TSNARE1: variants seen among roughly 807,000 people sequenced by gnomAD.
The protein encoded by TSNARE1 is t-SNARE domain containing 1, also known as t-SNARE domain-containing protein 1.
Under a neutral mutation model 62.0 loss-of-function variants are expected in TSNARE1, and 49 were observed. That is an observed-to-expected ratio of 0.79 (90% confidence interval 0.63 to 1.00). The LOEUF (loss-of-function observed/expected upper bound fraction) is 1.00, where lower values mean the gene tolerates loss of function less well. Ranked by LOEUF, TSNARE1 falls within the 50% of genes least tolerant of loss-of-function variation. TSNARE1 has a pLI of 0.00. For missense variants in TSNARE1, 755 were observed against 700.1 expected, an observed-to-expected ratio of 1.08 and a Z score of -0.88; for synonymous variants, 328 against 294.4, an observed-to-expected ratio of 1.11 and a Z score of -1.17.
intron 13 of TSNARE1, among the ~76,000 whole-genome samples, chr8:142,214,256 C>A (rs996412463): frequency 3.3e-5 from 5 of 152,198 alleles, no homozygotes; most frequent in African/African-American, 9.6e-5. Flanking sequence ...CCCCGCTCCC[C>A]ACCCACAGCT....
chr8:142,335,143 C>CGGGCGTGGGACACAGA (rs1831573454), intron 4 of TSNARE1, among the ~76,000 whole-genome samples: 1 of 151,978 alleles, frequency 6.6e-6, no homozygotes, highest in Admixed American at 6.5e-5. Context: ...ATCAACGAGG[C>CGGGCGTGGGACACAGA]AGGGTTATCA....
chr8:142,277,936 C>T, intron 11 of TSNARE1: 1 of 985,440 alleles, frequency 1.0e-6, no homozygotes, highest in Non-Finnish European at 1.2e-6. Flanking sequence ...CATGTCTATC[C>T]TTGCCATGAA....
intron 10 of TSNARE1, among the ~76,000 whole-genome samples, chr8:142,299,871 G>A (rs187768831): frequency 6.0e-4 from 91 of 152,316 alleles, no homozygotes; most frequent in African/African-American, 2.0e-3. Flanking sequence ...AGACACATTT[G>A]GCAGCAGGTA....
intron 11 of TSNARE1, among the ~76,000 whole-genome samples, chr8:142,280,493 C>A (rs941602769): frequency 4.6e-5 from 7 of 152,176 alleles, no homozygotes; most frequent in African/African-American, 1.7e-4. Flanking sequence ...TCTGTCTCAG[C>A]TACTCTCTGG....
intron 4 of TSNARE1, among the ~76,000 whole-genome samples, chr8:142,336,147 G>C (rs1026883946): frequency 6.6e-6 from 1 of 152,054 alleles, no homozygotes; most frequent in Non-Finnish European, 1.5e-5. Flanking sequence ...CAGCTGTGGT[G>C]ATGTACACCT....
At chr8:142,398,098 C>G (rs1316578215) in intron 1 of TSNARE1, among the ~76,000 whole-genome samples, 1 of 152,118 alleles carries the variant, frequency 6.6e-6, no homozygotes. Context: ...GGGCCTCCCG[C>G]TGCCTGGAGT....
intron 6 of TSNARE1, among the ~76,000 whole-genome samples, chr8:142,324,355 T>C (rs1310331723): frequency 6.6e-6 from 1 of 152,100 alleles, no homozygotes; most frequent in Non-Finnish European, 1.5e-5. Flanking sequence ...AGCACTCCTG[T>C]GCGAGGTCTG....
intron 12 of TSNARE1, among the ~76,000 whole-genome samples, chr8:142,234,789 C>T (rs1434482440): frequency 2.0e-5 from 3 of 152,064 alleles, no homozygotes; most frequent in South Asian, 2.1e-4. Flanking sequence ...GAGGGGGAGA[C>T]GCCCAAGCCT....
At position 142,229,646 on chromosome 8, in the gene TSNARE1, G is replaced by T. The variant is rs1270360010; in HGVS notation, c.1447-67C>A. 4 of 1,479,898 alleles carry T rather than the reference G, an allele frequency of 2.7e-6. No homozygotes were observed. In the Admixed American group the frequency reaches 7.0e-5, roughly 26 times the overall value. 91.7% of individuals were successfully genotyped at this position (1,479,898 alleles called of 1,614,324 possible). A position where few individuals can be genotyped will look rare whatever the true frequency, so the allele number is the denominator to read the frequency against. ...AACCTCCCATCCTCAGGGGCATTTG[G>T]CTTGTGCATACTTTGGGCTGTGGCA... On this transcript the variant is annotated intron_variant, in intron 12 of 13. Transcript: ENST00000524325.
intron 4 of TSNARE1, among the ~76,000 whole-genome samples, chr8:142,335,306 T>C (rs1245359911): frequency 1.3e-5 from 2 of 151,672 alleles, no homozygotes; most frequent in African/African-American, 4.9e-5. Flanking sequence ...TGGTCCTGAA[T>C]GTATTGAAAC....
intron 4 of TSNARE1, among the ~76,000 whole-genome samples, chr8:142,339,083 T>C (rs1046527110): frequency 2.0e-5 from 3 of 151,728 alleles, no homozygotes; most frequent in African/African-American, 7.3e-5. Flanking sequence ...AGGAAAGAGG[T>C]AGTAGGGACA....
rs1237485002 is a variant in TSNARE1, at chr8:142,223,296, AACCAC to A, written c.*11+6172_*11+6176del. On this transcript the variant is annotated intron_variant, in intron 13 of 13. Coordinates refer to ENST00000524325, the MANE Select transcript of TSNARE1 (RefSeq NM_145003.5). ...TTCAGTCACTCACTCATACTCACTC[AACCAC>A]TCACTCATTCACTCACTCATTCACT... is the stretch of plus-strand genomic sequence containing the variant. Among the ~76,000 whole-genome samples, 92 of 109,562 alleles carry A rather than the reference AACCAC, an allele frequency of 8.4e-4. 5 individuals are homozygous for A. The highest frequency in any genetic ancestry group is 2.8e-3 in the African/African-American group (79 of 28,108). The allele number at this position is 109,562 out of a possible 152,430, so 71.9% of individuals were successfully genotyped here. A position where few individuals can be genotyped will look rare whatever the true frequency, so the allele number is the denominator to read the frequency against.
At chr8:142,250,293 CA>C (rs1251662565) in intron 12 of TSNARE1, among the ~76,000 whole-genome samples, 1 of 152,126 alleles carries the variant, frequency 6.6e-6, no homozygotes, top group Non-Finnish European at 1.5e-5. Flanking sequence ...AGCTCTTCAC[CA>C]GGCTAAAAAT....
chr8:142,365,869 T>G (rs1219074367), intron 1 of TSNARE1: 1 of 442,486 alleles, frequency 2.3e-6, no homozygotes. Flanking sequence ...AAAACATTAC[T>G]AAAAGAAAGT....
At position 142,218,734 on chromosome 8, in the gene TSNARE1, C is replaced by T. The variant is rs912004400; in HGVS notation, c.*12-6421G>A. Among the ~76,000 whole-genome samples, 9 of 152,182 alleles carry T rather than the reference C, an allele frequency of 5.9e-5. No individual in the cohort carries two copies. The East Asian group carries it at 1.4e-3, about 23-fold the overall frequency. Reference sequence around the variant, plus strand: ...GGCATGTGTGGCCCTGAGCCCTCCCCGCCCCACCCTGGGTGGCCCTGGAGC... The same window carrying T: ...GGCATGTGTGGCCCTGAGCCCTCCCTGCCCCACCCTGGGTGGCCCTGGAGC... On this transcript the variant is annotated intron_variant, in intron 13 of 13. Coordinates refer to ENST00000524325, the MANE Select transcript of TSNARE1 (RefSeq NM_145003.5).
chr8:142,311,703 ATAT>A (rs1455568696), intron 9 of TSNARE1, among the ~76,000 whole-genome samples: 2 of 152,248 alleles, frequency 1.3e-5, no homozygotes, highest in Admixed American at 1.3e-4. Flanking sequence ...ACCTCTTCAA[ATAT>A]TATTTCTATC....
intron 6 of TSNARE1, among the ~76,000 whole-genome samples, chr8:142,329,668 C>G (rs931038964): frequency 1.3e-5 from 2 of 152,226 alleles, no homozygotes; most frequent in Non-Finnish European, 2.9e-5. Flanking sequence ...AGCAGGTCCA[C>G]AGTCCCTCAC....
chr8:142,361,819 G>A (rs1046273871), intron 1 of TSNARE1, among the ~76,000 whole-genome samples: 2 of 152,208 alleles, frequency 1.3e-5, no homozygotes. Flanking sequence ...CACACAGGGA[G>A]CAGAGGCCTA....
chr8:142,369,687 G>C (rs757120304), intron 1 of TSNARE1, among the ~76,000 whole-genome samples: 1 of 152,172 alleles, frequency 6.6e-6, no homozygotes, highest in African/African-American at 2.4e-5. Flanking sequence ...ACACCAGATG[G>C]AAATGAAGAA....
Sources: allele counts gnomAD v4.1 joint callset (sites outside exome capture counted in the v4.1 genomes callset), GRCh38; gene constraint gnomAD v4.1.1; transcripts MANE v1.5; gene names NCBI Gene and HGNC (gene_info 2026-07-23, HGNC 2026-07-21).